Variants in C10orf71 observed in about 807,000 individuals in gnomAD.
The protein encoded by C10orf71 is chromosome 10 open reading frame 71.
For synonymous variants in C10orf71, 758 were observed against 726.3 expected (o/e 1.04, Z -0.70); for missense variants, 1,869 against 1,804.5 (o/e 1.04, Z -0.65).
chr10:49,300,459 T>TCC (rs1848707458), intron 1 of C10orf71, among the ~76,000 whole-genome samples: 1 of 45,086 alleles, frequency 2.2e-5, no homozygotes, highest in Admixed American at 2.7e-4. Flanking sequence ...GTCAATTTAA[T>TCC]ACAAAAAAAA....
In C10orf71 at chr10:49,323,161, C is replaced by G; in HGVS notation, c.616C>G (p.His206Asp). The G allele has an allele frequency of 6.2e-7, 1 of 1,613,940 alleles. No homozygotes were observed. The highest frequency in any genetic ancestry group is 8.5e-7 in the Non-Finnish European group (1 of 1,179,884). Residue 206 changes from histidine (H) to aspartate (D), a missense_variant, in exon 3 of 3, where the codon CAT becomes GAT. Transcript: ENST00000374144. ...GGTGCCCGCTGAAGTTTCCAACACC[C>G]ATCAGAACAGCTACCAGCCAGGCAG... ...RRVPAEVSNTHQNSYQPGRKH... is the reference protein window; with the variant it reads ...RRVPAEVSNTDQNSYQPGRKH...
intron 1 of C10orf71, among the ~76,000 whole-genome samples, chr10:49,310,426 G>A (rs966111500): frequency 6.6e-6 from 1 of 152,210 alleles, no homozygotes; most frequent in African/African-American, 2.4e-5. Flanking sequence ...CAGAGGTTCA[G>A]GGTTTCCTCC....
chr10:49,306,886 G>A (rs1356731909), intron 1 of C10orf71, among the ~76,000 whole-genome samples: 1 of 152,248 alleles, frequency 6.6e-6, no homozygotes, highest in Admixed American at 6.5e-5. Context: ...TTCTCCAGCA[G>A]CTGGCCTGGC....
intron 2 of C10orf71, among the ~76,000 whole-genome samples, chr10:49,319,727 T>TAC (rs1260694490): frequency 1.7e-5 from 2 of 115,890 alleles, no homozygotes; most frequent in Admixed American, 9.1e-5. Context: ...TATATATATA[T>TAC]ATATATACAC....
At chr10:49,317,360 G>T (rs553329637) in intron 2 of C10orf71, among the ~76,000 whole-genome samples, 1 of 152,314 alleles carries the variant, frequency 6.6e-6, no homozygotes, top group African/African-American at 2.4e-5. Context: ...TTGGCCTTCA[G>T]TGGCCATTGC....
chr10:49,320,468 C>T (rs187219567), intron 2 of C10orf71, among the ~76,000 whole-genome samples: 4 of 152,294 alleles, frequency 2.6e-5, no homozygotes, highest in East Asian at 1.9e-4. Flanking sequence ...GGGCAATCAG[C>T]GAACAGACAA....
At chr10:49,304,705 G>T (rs886910979) in intron 1 of C10orf71, among the ~76,000 whole-genome samples, 2 of 152,214 alleles carry the variant, frequency 1.3e-5, no homozygotes, top group African/African-American at 4.8e-5. Flanking sequence ...CTTTCAGGGG[G>T]TTCCCCTCCC....
At chr10:49,305,222 A>G (rs1848792383) in intron 1 of C10orf71, among the ~76,000 whole-genome samples, 1 of 152,140 alleles carries the variant, frequency 6.6e-6, no homozygotes, top group Non-Finnish European at 1.5e-5. Flanking sequence ...CAAGGTAGCC[A>G]GGGGCAGGTG....
In C10orf71 at chr10:49,323,705, G is replaced by A. The variant is rs1157909409; in HGVS notation, c.1160G>A (p.Gly387Asp). The change falls in exon 3 of 3, where the codon GGC becomes GAC. Residue 387 changes from glycine to aspartate, a missense_variant. By Grantham distance (94) the Gly-to-Asp change is moderately conservative (BLOSUM62 -1). Coordinates refer to ENST00000374144, the MANE Select transcript of C10orf71 (RefSeq NM_001135196.2). ...AQPPWRKPKT[G>D]KKGKESLQDT... ...CCCCCATGGAGGAAGCCAAAGACTG[G>A]CAAAAAAGGGAAAGAAAGTCTACAA... The A allele has an allele frequency of 1.2e-6, 2 of 1,613,686 alleles. No individual in the cohort carries two copies. Among genetic ancestry groups the A allele is most frequent in the Non-Finnish European group, 1.7e-6 (2 of 1,179,802 alleles).
chr10:49,321,327 C>A (rs1315225684), intron 2 of C10orf71, among the ~76,000 whole-genome samples: 1 of 152,122 alleles, frequency 6.6e-6, no homozygotes, highest in Non-Finnish European at 1.5e-5. Context: ...TGTCTTTCTG[C>A]GACTGGGTTG....
At position 49,324,117 on chromosome 10, in the gene C10orf71, T is replaced by C; in HGVS notation, c.1572T>C (p.Asp524=). 3 of 1,613,882 alleles carry C rather than the reference T, an allele frequency of 1.9e-6. No individual in the cohort carries two copies. The highest frequency in any genetic ancestry group is 1.1e-5 in the South Asian group (1 of 91,068). ...YSSSPLLKVL[D]EKTRGKVDGK... ...CCTCACCTCTCTTGAAAGTGCTTGA[T>C]GAGAAAACTAGAGGTAAGGTTGATG... The change falls in exon 3 of 3, where the codon GAT becomes GAC. Residue 524 remains aspartate, a synonymous_variant. Coordinates refer to ENST00000374144, the MANE Select transcript of C10orf71 (RefSeq NM_001135196.2).
Position 49,326,725 on chromosome 10 carries a change from C to T in C10orf71, c.4180C>T (p.Pro1394Ser). Reference sequence around the variant, plus strand: ...CCCAGGGCCTCACGGTGACTGCACCCCGCACTCTGCAGGCCAGCGCCCTCA... The same window carrying T: ...CCCAGGGCCTCACGGTGACTGCACCTCGCACTCTGCAGGCCAGCGCCCTCA... ...LDPGPHGDCT[P>S]HSAGQRPHGP... Residue 1394 changes from proline (P) to serine (S), a missense_variant, in exon 3 of 3, where the codon CCG becomes TCG. By Grantham distance (74) the Pro-to-Ser change is moderately conservative. Transcript: ENST00000374144. 1 of 1,551,228 alleles carries T rather than the reference C, an allele frequency of 6.4e-7. No homozygotes were observed. Among genetic ancestry groups the T allele is most frequent in the South Asian group, 1.2e-5 (1 of 84,054 alleles).
At chr10:49,307,515 A>G (rs1848835800) in intron 1 of C10orf71, among the ~76,000 whole-genome samples, 1 of 152,238 alleles carries the variant, frequency 6.6e-6, no homozygotes, top group African/African-American at 2.4e-5. Flanking sequence ...GGTGCTGCTG[A>G]CAGCTCGCAG....
chr10:49,299,947 C>G (rs1311980823), intron 1 of C10orf71, among the ~76,000 whole-genome samples: 1 of 152,238 alleles, frequency 6.6e-6, no homozygotes, highest in African/African-American at 2.4e-5. Flanking sequence ...ACAAAGCCCG[C>G]CACAGGCTGC....
At chr10:49,306,410 G>A (rs1564682999) in intron 1 of C10orf71, among the ~76,000 whole-genome samples, 1 of 152,238 alleles carries the variant, frequency 6.6e-6, no homozygotes, top group Non-Finnish European at 1.5e-5. Flanking sequence ...GCACTTTAGA[G>A]CTGGGTCTCC....
intron 1 of C10orf71, among the ~76,000 whole-genome samples, chr10:49,305,624 CAT>C (rs1848799238): frequency 6.6e-6 from 1 of 152,218 alleles, no homozygotes. Flanking sequence ...AGACTGGAAA[CAT>C]AAGCTAGAGC....
At position 49,323,875 on chromosome 10, in the gene C10orf71, A is replaced by G; in HGVS notation, c.1330A>G (p.Ser444Gly). The change falls in exon 3 of 3, where the codon AGT (serine) becomes GGT (glycine). Residue 444 changes from serine to glycine, a missense_variant. Transcript: ENST00000374144. ...ACATTATGATCCCCCCTTTAACATCAGTAAGCTCCTGACCCCCATCATACC... is the reference window on the plus strand; with the variant it reads ...ACATTATGATCCCCCCTTTAACATCGGTAAGCTCCTGACCCCCATCATACC... Reference protein sequence around the residue: ...NEHYDPPFNISKLLTPIIPSK... With the variant: ...NEHYDPPFNIGKLLTPIIPSK... 6.2e-7 allele frequency: 1 copy of G among 1,613,504 alleles called. No individual in the cohort carries two copies. Among genetic ancestry groups the G allele is most frequent in the Non-Finnish European group, 8.5e-7 (1 of 1,179,774 alleles).
intron 2 of C10orf71, among the ~76,000 whole-genome samples, chr10:49,321,937 G>A (rs1281079050): frequency 1.3e-5 from 2 of 152,056 alleles, no homozygotes; most frequent in East Asian, 1.9e-4. Context: ...TTTGTTATTC[G>A]GTTGTAGGAG....
Position 49,323,207 on chromosome 10 carries a change from C to T in C10orf71, c.662C>T (p.Ser221Phe), listed in dbSNP as rs367823078. The change falls in exon 3 of 3, where the codon TCC becomes TTC. Residue 221 changes from serine (S) to phenylalanine (F), a missense_variant. By Grantham distance (155) the Ser-to-Phe change is radical. Coordinates refer to ENST00000374144, the MANE Select transcript of C10orf71 (RefSeq NM_001135196.2). ...GGCAGGAAGCACGGAGAACAGGAGT[C>T]CTCCAAGAATCCAGAAATGGCCTGT... The part of the protein sequence containing the change: ...QPGRKHGEQE[S>F]SKNPEMACHG... 11 of 1,613,826 alleles carry T rather than the reference C, an allele frequency of 6.8e-6. No individual in the cohort carries two copies. Among genetic ancestry groups the T allele is most frequent in the Non-Finnish European group, 9.3e-6 (11 of 1,179,882 alleles).
Sources: allele counts gnomAD v4.1 joint callset (sites outside exome capture counted in the v4.1 genomes callset), GRCh38; gene constraint gnomAD v4.1.1; transcripts MANE v1.5; gene names NCBI Gene and HGNC (gene_info 2026-07-23, HGNC 2026-07-21).